Variants in TRAP1 observed in about 807,000 individuals in gnomAD.
TRAP1 encodes the protein TNF receptor associated protein 1, also known as heat shock protein 75 kDa, mitochondrial.
A neutral mutation model predicts 89.1 loss-of-function variants in TRAP1; 102 were observed. That is an observed-to-expected ratio of 1.15 (90% confidence interval 0.98 to 1.35). TRAP1 has a LOEUF of 1.35. Ranked by LOEUF, TRAP1 falls within the 40% of genes most tolerant of loss-of-function variation. The pLI, the probability that TRAP1 is intolerant of heterozygous loss-of-function variation, is 0.00. For missense variants in TRAP1, 1,256 were observed against 945.3 expected (o/e 1.33, Z -4.31); for synonymous variants, 508 against 388.0 (o/e 1.31, Z -3.64).
Position 3,690,587 on chromosome 16 carries a change from G to A in TRAP1, c.247+240C>T, listed in dbSNP as rs373893492. On this transcript the variant is annotated intron_variant, in intron 2 of 17. Transcript: ENST00000246957. ...GATGTGCCATGAATCACCACTCAGG[G>A]GAGGTGCCGGACGGCAAACTCACGG... is the stretch of plus-strand genomic sequence containing the variant. 2.6e-5 allele frequency among the ~76,000 whole-genome samples: 4 copies of A among 152,294 alleles called. No homozygotes were observed. In the East Asian group the frequency reaches 7.7e-4, roughly 29 times the overall value.
intron 12 of TRAP1, 96 bp downstream of exon 12, chr16:3,665,875 G>T: frequency 6.8e-7 from 1 of 1,466,332 alleles, no homozygotes; most frequent in East Asian, 2.4e-5. Flanking sequence ...GTACCCAGCT[G>T]CACCGTCGCC....
intron 1 of TRAP1, among the ~76,000 whole-genome samples, chr16:3,694,339 C>G (rs1483380257): frequency 6.8e-6 from 1 of 147,428 alleles, no homozygotes; most frequent in Non-Finnish European, 1.5e-5. Flanking sequence ...AGGACGCGAA[C>G]GTATCTTTCT....
At chr16:3,665,820 G>A in intron 12 of TRAP1, 151 bp downstream of exon 12, 1 of 982,444 alleles carries the variant, frequency 1.0e-6, no homozygotes, top group Non-Finnish European at 1.5e-6. Context: ...CAGAAGCCTG[G>A]CCTTCCATTT....
At chr16:3,713,288 G>A (rs942031397) in intron 1 of TRAP1, among the ~76,000 whole-genome samples, 2 of 152,124 alleles carry the variant, frequency 1.3e-5, no homozygotes, top group African/African-American at 4.8e-5. Context: ...GGCAAAACCC[G>A]TCAACAAAAC....
intron 2 of TRAP1, among the ~76,000 whole-genome samples, chr16:3,689,983 C>T (rs1456136060): frequency 6.6e-6 from 1 of 152,138 alleles, no homozygotes; most frequent in Admixed American, 6.5e-5. Flanking sequence ...GAGAACTGGA[C>T]TGCCTCTAAG....
At chr16:3,683,479 G>T (rs113075619) in intron 4 of TRAP1, among the ~76,000 whole-genome samples, 2 of 150,352 alleles carry the variant, frequency 1.3e-5, no homozygotes, top group African/African-American at 4.9e-5. Flanking sequence ...TCCGCCTCCC[G>T]GGTTCAAGCA....
At chr16:3,695,491 G>A (rs1426316079) in intron 1 of TRAP1, among the ~76,000 whole-genome samples, 3 of 145,492 alleles carry the variant, frequency 2.1e-5, no homozygotes, top group South Asian at 2.1e-4. Context: ...AGCCGAGGTC[G>A]CACCACTGTA....
Position 3,677,654 on chromosome 16 carries a change from A to G in TRAP1, c.548T>C (p.Phe183Ser). The change falls in exon 6 of 18, where the codon TTC (phenylalanine) becomes TCC (serine). Residue 183 changes from phenylalanine (F) to serine (S), a missense_variant. Transcript: ENST00000246957. ...GTIARSGSKA[F>S]LDALQNQAEA... is the part of the protein sequence containing the mutation. The stretch of plus-strand genomic sequence containing the variant: ...AGCCTGGTTCTGCAGAGCATCCAGG[A>G]AGGCCTGTGGGGCAGAGGCCAGTTA... 6.2e-7 allele frequency: 1 copy of G among 1,613,658 alleles called. No homozygotes were observed. The highest frequency in any genetic ancestry group is 8.5e-7 in the Non-Finnish European group (1 of 1,179,906).
chr16:3,700,912 G>T (rs1046975670), intron 1 of TRAP1, among the ~76,000 whole-genome samples: 4 of 152,020 alleles, frequency 2.6e-5, no homozygotes, highest in Non-Finnish European at 4.4e-5. Flanking sequence ...AATCCAAAAG[G>T]ACAAATAAAA....
intron 1 of TRAP1, among the ~76,000 whole-genome samples, chr16:3,709,681 C>T (rs72760812): frequency 0.017 from 2,559 of 152,100 alleles, 26 homozygotes; most frequent in Non-Finnish European, 0.028. Flanking sequence ...ACGGAGTTTT[C>T]GCTCTTGTTG....
chr16:3,666,296 G>A (rs371075001), intron 11 of TRAP1, among the ~76,000 whole-genome samples, 178 bp from the exon 12 acceptor site: 6 of 152,128 alleles, frequency 3.9e-5, no homozygotes, highest in African/African-American at 9.7e-5. Context: ...GGCAGTGGCC[G>A]GACAGGAGGC....
At chr16:3,682,060 G>A (rs1216244772) in intron 4 of TRAP1, among the ~76,000 whole-genome samples, 1 of 152,180 alleles carries the variant, frequency 6.6e-6, no homozygotes, top group East Asian at 1.9e-4. Flanking sequence ...TGCACAGAGA[G>A]TGTATTACTT....
At chr16:3,699,034 A>C (rs1241647486) in intron 1 of TRAP1, among the ~76,000 whole-genome samples, 2 of 152,172 alleles carry the variant, frequency 1.3e-5, no homozygotes, top group Non-Finnish European at 2.9e-5. Context: ...ATGTCAGGCT[A>C]CAAGATCTTA....
intron 1 of TRAP1, among the ~76,000 whole-genome samples, chr16:3,716,647 T>A (rs1596765300): frequency 6.6e-6 from 1 of 152,210 alleles, no homozygotes; most frequent in Non-Finnish European, 1.5e-5. Flanking sequence ...AAAATACTTA[T>A]ACGCAGACAT....
chr16:3,715,521 G>C (rs1215582478), intron 1 of TRAP1, among the ~76,000 whole-genome samples: 2 of 152,180 alleles, frequency 1.3e-5, no homozygotes, highest in African/African-American at 2.4e-5. Context: ...CCAAATGGAA[G>C]GGACAGTGCA....
chr16:3,711,363 G>A (rs527487728), intron 1 of TRAP1, among the ~76,000 whole-genome samples: 1 of 152,262 alleles, frequency 6.6e-6, no homozygotes, highest in South Asian at 2.1e-4. Flanking sequence ...CACTTTGGGA[G>A]GCCGAGGCAG....
Position 3,663,480 on chromosome 16 carries a change from T to G in TRAP1, c.1652A>C (p.Glu551Ala). Residue 551 changes from glutamate to alanine, a missense_variant, in exon 14 of 18, where the codon GAG becomes GCG. Transcript: ENST00000246957. ...EFDKKKLISVETDIVVDHYKE... is the reference protein window; with the variant it reads ...EFDKKKLISVATDIVVDHYKE... ...GTAGTGATCCACGACTATGTCCGTC[T>G]CCACAGAGATCAGCTTCTTCTTGTC... 6.2e-7 allele frequency: 1 copy of G among 1,613,968 alleles called. No homozygotes were observed. The highest frequency in any genetic ancestry group is 8.5e-7 in the Non-Finnish European group (1 of 1,179,968).
chr16:3,675,894 C>A, intron 7 of TRAP1, 142 bp downstream of exon 7: 2 of 709,440 alleles, frequency 2.8e-6, no homozygotes, highest in South Asian at 4.0e-5. Context: ...GCCCCCCTCC[C>A]AGTCCCGCAG....
At chr16:3,659,845 T>A (rs1220349165) in intron 16 of TRAP1, 1 of 152,072 alleles carries the variant, frequency 6.6e-6, no homozygotes, top group African/African-American at 2.4e-5. Context: ...AGCCTCCTGG[T>A]TTCAAGAGGT....
Sources: allele counts gnomAD v4.1 joint callset (sites outside exome capture counted in the v4.1 genomes callset), GRCh38; gene constraint gnomAD v4.1.1; transcripts MANE v1.5; gene names NCBI Gene and HGNC (gene_info 2026-07-23, HGNC 2026-07-21).